The following MEIS3 variants were observed in gnomAD, a reference collection of about 807,000 sequenced individuals.
MEIS3 encodes the protein homeobox protein Meis3.
MEIS3 carries 38 observed loss-of-function variants against 51.4 expected under a neutral mutation model. The observed-to-expected ratio is 0.74, with a 90% CI of 0.57 to 0.97. The LOEUF (loss-of-function observed/expected upper bound fraction) is 0.97, where lower values mean the gene tolerates loss of function less well. Ranked by LOEUF, MEIS3 falls within the 50% of genes least tolerant of loss-of-function variation. The pLI is 0.00. For missense variants in MEIS3, 456 were observed against 502.6 expected, an observed-to-expected ratio of 0.91 and a Z score of 0.89; for synonymous variants, 198 against 201.8, an observed-to-expected ratio of 0.98 and a Z score of 0.16.
chr19:47,414,675 C>T, intron 6 of MEIS3, 42 bp downstream of exon 6: 1 of 1,551,230 alleles, frequency 6.4e-7, no homozygotes. Context: ...CCAGGCACAG[C>T]TGTGGCTGCA....
At chr19:47,415,178 A>C (rs1051245333) in intron 4 of MEIS3, 77 bp from the exon 5 acceptor site, 37 of 856,580 alleles carry the variant, frequency 4.3e-5, no homozygotes, top group Non-Finnish European at 3.3e-5. Flanking sequence ...GAAGAGGAAG[A>C]GAAGGAGGAA....
In MEIS3 at chr19:47,414,865, A is replaced by G; in HGVS notation, c.449T>C (p.Val150Ala). 1 of 1,398,358 alleles carries G rather than the reference A, an allele frequency of 7.2e-7. No homozygotes were observed. Among genetic ancestry groups the G allele is most frequent in the Non-Finnish European group, 9.5e-7 (1 of 1,049,442 alleles). 86.6% of individuals were successfully genotyped at this position (1,398,358 alleles called of 1,614,324 possible). A position where few individuals can be genotyped will look rare whatever the true frequency, so the allele number is the denominator to read the frequency against. Residue 150 changes from valine to alanine, a missense_variant and splice_region_variant, in exon 6 of 13, where the codon GTC becomes GCC. Transcript: ENST00000558555. The stretch of plus-strand genomic sequence containing the variant: ...ACAGAAGTTGTCGCACAGGTCGTGG[A>G]CCTGGGGGGGCACCGGGGTACTGGG... ...LRFHLLELEK[V>A]HDLCDNFCHR...
intron 1 of MEIS3, 79 bp from the exon 2 acceptor site, chr19:47,417,429 T>C: frequency 6.5e-7 from 1 of 1,533,236 alleles, no homozygotes; most frequent in South Asian, 1.1e-5. Flanking sequence ...AGCTTCTCTA[T>C]CCTGGAACCC....
intron 11 of MEIS3, 111 bp from the exon 12 acceptor site, chr19:47,406,637 C>A: frequency 8.9e-7 from 1 of 1,123,152 alleles, no homozygotes; most frequent in Non-Finnish European, 1.3e-6. Context: ...CCAGGATAGA[C>A]TGAGTCATAA....
chr19:47,417,070 A>G (rs1971464434), intron 2 of MEIS3, 107 bp from the exon 3 acceptor site: 2 of 1,533,504 alleles, frequency 1.3e-6, no homozygotes, highest in Non-Finnish European at 1.8e-6. Flanking sequence ...CCAGAGAGGG[A>G]AGGAGACAGA....
chr19:47,421,310 C>T (rs1158708122), upstream of MEIS3, among the ~76,000 whole-genome samples: 4 of 152,148 alleles, frequency 2.6e-5, no homozygotes, highest in East Asian at 1.9e-4. Flanking sequence ...CTCCCCAGCA[C>T]GGGCTGGGCG....
chr19:47,417,469 T>G, intron 1 of MEIS3, 119 bp from the exon 2 acceptor site: 1 of 1,255,752 alleles, frequency 8.0e-7, no homozygotes, highest in Non-Finnish European at 1.1e-6. Flanking sequence ...CCCAGAAACC[T>G]GCCTGTGGTC....
intron 12 of MEIS3, among the ~76,000 whole-genome samples, chr19:47,404,484 C>A (rs1319894421): frequency 1.3e-5 from 2 of 152,148 alleles, no homozygotes; most frequent in African/African-American, 4.8e-5. Flanking sequence ...CGGCCGCCTG[C>A]CTCAACCCAG....
At chr19:47,408,977 G>T (rs1359065672) in intron 8 of MEIS3, 122 bp downstream of exon 8, 11 of 1,153,438 alleles carry the variant, frequency 9.5e-6, no homozygotes, top group Non-Finnish European at 1.4e-5. Flanking sequence ...CTCCATGAGA[G>T]TCTCGAAAAA....
upstream of MEIS3, among the ~76,000 whole-genome samples, chr19:47,421,669 C>T (rs1045648654): frequency 4.6e-5 from 7 of 151,832 alleles, no homozygotes; most frequent in East Asian, 1.4e-3. Flanking sequence ...AAAGACAGGC[C>T]GTCTCTGTCT....
chr19:47,414,496 T>C (rs967894887), intron 6 of MEIS3, among the ~76,000 whole-genome samples: 12 of 152,066 alleles, frequency 7.9e-5, no homozygotes, highest in African/African-American at 2.9e-4. Flanking sequence ...GTGGGTGGCA[T>C]CTGCAGCCGC....
chr19:47,407,970 C>T (rs1970933682), intron 8 of MEIS3, among the ~76,000 whole-genome samples: 1 of 152,142 alleles, frequency 6.6e-6, no homozygotes, highest in Non-Finnish European at 1.5e-5. Flanking sequence ...CCATGCCCGA[C>T]TAATTTTTTG....
intron 5 of MEIS3, 71 bp from the exon 6 acceptor site, chr19:47,414,937 G>A (rs111413554): frequency 3.7e-5 from 43 of 1,160,086 alleles, no homozygotes; most frequent in African/African-American, 3.3e-4. Context: ...GGACGGGGGC[G>A]GCATTCTGCT....
At chr19:47,407,582 T>G in intron 8 of MEIS3, 154 bp from the exon 9 acceptor site, 1 of 1,493,134 alleles carries the variant, frequency 6.7e-7, no homozygotes, top group East Asian at 2.4e-5. Context: ...CTCCCCAGGA[T>G]GGAGACCAAG....
intron 6 of MEIS3, among the ~76,000 whole-genome samples, chr19:47,413,419 C>T (rs1009569933): frequency 5.3e-5 from 8 of 151,788 alleles, no homozygotes; most frequent in Admixed American, 4.6e-4. Flanking sequence ...AAAATGTCTC[C>T]GGGACTGTGT....
Position 47,417,320 on chromosome 19 carries a change from C to T in MEIS3, c.43G>A (p.Val15Met), listed in dbSNP as rs1971488323. The stretch of plus-strand genomic sequence containing the variant: ...CTAGCCAGGGCTGCGGGGCCATCCA[C>T]GATGCCTGGGTAGTGCGGCAGCTCA... ...YDELPHYPGI[V>M]DGPAALASFP... Residue 15 changes from valine (V) to methionine (M), a missense_variant, in exon 2 of 13, where the codon GTG becomes ATG. Coordinates refer to ENST00000558555, the MANE Select transcript of MEIS3 (RefSeq NM_001301059.2). 1 of 1,613,520 alleles carries T rather than the reference C, an allele frequency of 6.2e-7. No individual in the cohort carries two copies.
In MEIS3 at chr19:47,419,073, C is replaced by G; in HGVS notation, c.9G>C (p.Arg3=). 2.4e-6 allele frequency: 3 copies of G among 1,247,220 alleles called. No homozygotes were observed. Among genetic ancestry groups the G allele is most frequent in the Non-Finnish European group, 3.0e-6 (3 of 996,776 alleles). The allele number at this position is 1,247,220 out of a possible 1,614,324, so 77.3% of individuals were successfully genotyped here. ...GGGTCCCCGCCCCGAGACCTACCCT[C>G]CGGGCCATGGGCTGAGGCCGGCGGC... MA[R]RYDELPHYPG... The change falls in exon 1 of 13, where the codon CGG becomes CGC. Residue 3 remains arginine (R), a synonymous_variant. Transcript: ENST00000558555.
intron 1 of MEIS3, chr19:47,417,961 A>G: frequency 2.0e-6 from 1 of 498,800 alleles, no homozygotes; most frequent in Non-Finnish European, 3.5e-6. Context: ...ACAGCCCAAC[A>G]CCAGGCACAA....
intron 6 of MEIS3, among the ~76,000 whole-genome samples, chr19:47,413,089 C>T (rs536043496): frequency 4.0e-5 from 6 of 151,366 alleles, no homozygotes; most frequent in Admixed American, 3.3e-4. Context: ...GATTCCTGTG[C>T]GAGTGGGTAT....
Sources: gnomAD v4.1 joint callset for allele counts (sites outside exome capture counted in the v4.1 genomes callset) on GRCh38, gnomAD v4.1.1 for gene constraint, MANE v1.5 for transcripts, NCBI Gene and HGNC (gene_info 2026-07-23, HGNC 2026-07-21) for gene names.